Variants in UBASH3B observed in about 807,000 individuals in gnomAD.
The protein encoded by UBASH3B is ubiquitin-associated and SH3 domain-containing protein B.
Under a neutral mutation model 83.4 loss-of-function variants are expected in UBASH3B, and 37 were observed. That is an observed-to-expected ratio of 0.44 (90% CI 0.34 to 0.58). The LOEUF is 0.58. Ranked by LOEUF, UBASH3B falls within the 20% of genes least tolerant of loss-of-function variation. The pLI, the probability that UBASH3B is intolerant of heterozygous loss-of-function variation, is 0.01. For missense variants in UBASH3B, 657 were observed against 827.2 expected (o/e 0.79, Z 2.52); for synonymous variants, 304 against 318.3 (o/e 0.96, Z 0.48).
chr11:122,728,518 T>G (rs1433157282), intron 1 of UBASH3B, among the ~76,000 whole-genome samples: 1 of 152,216 alleles, frequency 6.6e-6, no homozygotes, highest in East Asian at 1.9e-4. Flanking sequence ...CCATAGCTAC[T>G]TCTCTTATAA....
intron 1 of UBASH3B, among the ~76,000 whole-genome samples, chr11:122,706,040 G>T (rs188868551): frequency 6.6e-6 from 1 of 151,246 alleles, no homozygotes; most frequent in East Asian, 1.9e-4. Context: ...GGGTCAAAAT[G>T]TCCATCATGA....
chr11:122,758,974 CTAACTT>C lies in UBASH3B; in HGVS notation c.162-17242_162-17237del, dbSNP rs1236730173. The stretch of plus-strand genomic sequence containing the variant: ...TTTTCACTTTTTATGACTCAGCACT[CTAACTT>C]TAGTGGCTTAAAACACACATTTTCC... On this transcript the variant is annotated intron_variant, in intron 1 of 13. Coordinates refer to ENST00000284273, the MANE Select transcript of UBASH3B (RefSeq NM_032873.5). The surrounding 1 kb of genome is among the most constrained non-coding windows in gnomAD (Gnocchi z 4.2). 6.6e-6 allele frequency among the ~76,000 whole-genome samples: 1 copy of C among 152,170 alleles called. No individual in the cohort carries two copies. Among genetic ancestry groups the C allele is most frequent in the Non-Finnish European group, 1.5e-5 (1 of 68,036 alleles).
intron 1 of UBASH3B, among the ~76,000 whole-genome samples, chr11:122,712,896 G>GTTTTTTTTTTTTTTTTTTTTTTTT (rs386375116): frequency 1.6e-5 from 1 of 64,496 alleles, no homozygotes; most frequent in Non-Finnish European, 2.6e-5. Flanking sequence ...TCTCTGGGTG[G>GTTTTTTTTTTTTTTTTTTTTTTTT]TTTTTTTTTT....
Position 122,809,758 on chromosome 11 carries a change from C to T in UBASH3B, c.1822C>T (p.Leu608=). The change falls in exon 14 of 14, where the codon CTG becomes TTG. Residue 608 remains leucine (L), a synonymous_variant. Coordinates refer to ENST00000284273, the MANE Select transcript of UBASH3B (RefSeq NM_032873.5). ...ACGACTCTTACTTCAGATCCCATAT[C>T]TGGGATTTTGTTCCTGTGAAGAATT... ...FVQMVRKIPY[L]GFCSCEELGE... 1.2e-6 allele frequency: 2 copies of T among 1,614,132 alleles called. No homozygotes were observed. Among genetic ancestry groups the T allele is most frequent in the Non-Finnish European group, 1.7e-6 (2 of 1,180,004 alleles).
rs1591334696 is a variant in UBASH3B at position 122,808,196 on chromosome 11, T to C, written c.1812+20T>C. 6.3e-7 allele frequency: 1 copy of C among 1,599,692 alleles called. No individual in the cohort carries two copies. The highest frequency in any genetic ancestry group is 2.2e-5 in the East Asian group (1 of 44,806). ...CGAAAGGTAATTCATTCTCGTACTTTGGGGTCCGTGATGGCTAGTAGTTTG... is the reference window on the plus strand; with the variant it reads ...CGAAAGGTAATTCATTCTCGTACTTCGGGGTCCGTGATGGCTAGTAGTTTG... On this transcript the variant is annotated intron_variant, in intron 13 of 13. Transcript: ENST00000284273.
chr11:122,666,397 GT>G (rs58993938), intron 1 of UBASH3B, among the ~76,000 whole-genome samples: 32,182 of 149,602 alleles, frequency 0.22, 3,786 homozygotes, highest in Non-Finnish European at 0.27. Flanking sequence ...TTTCGTTTTT[GT>G]TTTTTTTTTC....
Position 122,806,443 on chromosome 11 carries a change from A to C in UBASH3B, c.1629A>C (p.Ser543=). The change falls in exon 12 of 14, where the codon TCA becomes TCC. Residue 543 remains serine, a synonymous_variant. Transcript: ENST00000284273. This position sits in a 1 kb window ranked among gnomAD's most constrained non-coding sequence, Gnocchi z 4.0. ...TTCCAATCAGCAAATTAGTTGTTTC[A>C]GAATCCTATGATACTTATATCAGTA... ...PHIPISKLVV[S]ESYDTYISRS... 6.2e-7 allele frequency: 1 copy of C among 1,604,924 alleles called. No homozygotes were observed. Among genetic ancestry groups the C allele is most frequent in the Non-Finnish European group, 8.5e-7 (1 of 1,177,452 alleles).
intron 1 of UBASH3B, among the ~76,000 whole-genome samples, chr11:122,752,361 C>T (rs1861213171): frequency 6.6e-6 from 1 of 152,122 alleles, no homozygotes; most frequent in African/African-American, 2.4e-5. Flanking sequence ...ATGTGCGAGG[C>T]CAGGTGGGCA....
chr11:122,746,412 G>A (rs1002930264), intron 1 of UBASH3B, among the ~76,000 whole-genome samples: 8 of 152,176 alleles, frequency 5.3e-5, no homozygotes, highest in Admixed American at 2.6e-4. Context: ...CTGTATTGAC[G>A]CGGAAGTTAT....
chr11:122,676,853 C>A (rs1363311876), intron 1 of UBASH3B, among the ~76,000 whole-genome samples: 1 of 152,242 alleles, frequency 6.6e-6, no homozygotes, highest in Non-Finnish European at 1.5e-5. Context: ...CTCCCGCCCC[C>A]AGGCTCTTCT....
intron 1 of UBASH3B, among the ~76,000 whole-genome samples, chr11:122,669,230 C>T (rs185050467): frequency 5.5e-4 from 84 of 152,306 alleles, no homozygotes; most frequent in Non-Finnish European, 1.0e-3. Flanking sequence ...AACGTCAACG[C>T]GTCAATAGAA....
rs138307076 is a variant in UBASH3B at position 122,729,766 on chromosome 11, C to T, written c.162-46453C>T. 7.3e-3 allele frequency among the ~76,000 whole-genome samples: 960 copies of T among 131,408 alleles called. 13 individuals are homozygous for T. Among genetic ancestry groups the T allele is most frequent in the African/African-American group, 0.029 (927 of 32,442 alleles). 86.2% of individuals were successfully genotyped at this position (131,408 alleles called of 152,430 possible). ...CTTGAGCCCAGGAGTTTGAAACCAG[C>T]CTGGCAACATAGCAAGACCCTATCT... On this transcript the variant is annotated intron_variant, in intron 1 of 13. Coordinates refer to ENST00000284273, the MANE Select transcript of UBASH3B (RefSeq NM_032873.5).
At chr11:122,665,140 T>C (rs942825430) in intron 1 of UBASH3B, among the ~76,000 whole-genome samples, 5 of 152,182 alleles carry the variant, frequency 3.3e-5, no homozygotes, top group South Asian at 2.1e-4. Context: ...TCTCCTGACC[T>C]AGGCCTGCCT....
chr11:122,737,101 G>C (rs1364129894), intron 1 of UBASH3B, among the ~76,000 whole-genome samples: 3 of 152,158 alleles, frequency 2.0e-5, no homozygotes, highest in Admixed American at 6.5e-5. Flanking sequence ...TGCCGGAAGA[G>C]GGTAGCCTAA....
intron 1 of UBASH3B, among the ~76,000 whole-genome samples, chr11:122,772,038 C>T (rs1860654189): frequency 6.6e-6 from 1 of 152,196 alleles, no homozygotes. Flanking sequence ...ACTCTAACTA[C>T]CTCAAGCTAG....
At chr11:122,681,972 A>G (rs1457751296) in intron 1 of UBASH3B, among the ~76,000 whole-genome samples, 5 of 152,076 alleles carry the variant, frequency 3.3e-5, no homozygotes, top group Non-Finnish European at 1.5e-5. Context: ...CTGACTCATC[A>G]CTGCCACCCA....
chr11:122,803,706 A>T (rs1861293439), intron 11 of UBASH3B, among the ~76,000 whole-genome samples: 1 of 152,106 alleles, frequency 6.6e-6, no homozygotes, highest in African/African-American at 2.4e-5. Context: ...AGGGGAAACA[A>T]ATCAAACTTT....
chr11:122,781,355 G>A (rs1468823379), intron 4 of UBASH3B, among the ~76,000 whole-genome samples: 1 of 152,140 alleles, frequency 6.6e-6, no homozygotes, highest in African/African-American at 2.4e-5. Context: ...AGTAGTTATT[G>A]TCAGAACCAC....
chr11:122,724,673 A>G (rs1005871031), intron 1 of UBASH3B, among the ~76,000 whole-genome samples: 3 of 143,770 alleles, frequency 2.1e-5, no homozygotes, highest in African/African-American at 7.6e-5. Flanking sequence ...AATTCACCAG[A>G]TGGGGGAAAG....
Sources: allele counts gnomAD v4.1 joint callset (sites outside exome capture counted in the v4.1 genomes callset), GRCh38; gene constraint gnomAD v4.1.1; non-coding constraint Gnocchi (gnomAD v3.1); transcripts MANE v1.5; gene names NCBI Gene and HGNC (gene_info 2026-07-23, HGNC 2026-07-21).